Variants in DDX60 observed in about 807,000 individuals in gnomAD.
DDX60 encodes DExD/H-box helicase 60, also known as probable ATP-dependent RNA helicase DDX60.
A neutral mutation model predicts 212.8 loss-of-function variants in DDX60; 165 were observed. The ratio of observed to expected loss-of-function variants is 0.78; its 90% confidence interval spans 0.68 to 0.88. The LOEUF is 0.88. Among genes scored for constraint, DDX60 ranks in the 40% least tolerant of loss-of-function variants. DDX60 has a pLI of 0.00. For synonymous variants in DDX60, 703 were observed against 685.3 expected (o/e 1.03, Z -0.40); for missense variants, 1,905 against 2,003.9 (o/e 0.95, Z 0.94).
chr4:168,292,773 T>C (rs1042839420), intron 7 of DDX60, among the ~76,000 whole-genome samples: 4 of 152,160 alleles, frequency 2.6e-5, no homozygotes, highest in African/African-American at 4.8e-5. Flanking sequence ...ACAAAGCAAG[T>C]GTAAGATTTC....
At chr4:168,320,856 A>G (rs2149563254), upstream of DDX60, among the ~76,000 whole-genome samples, 1 of 152,324 alleles carries the variant, frequency 6.6e-6, no homozygotes, top group East Asian at 1.9e-4. Context: ...CAGCTAATAA[A>G]TTATACTAAG....
intron 12 of DDX60, 37 bp downstream of exon 12, chr4:168,284,783 A>G (rs758837953): frequency 1.9e-6 from 2 of 1,036,190 alleles, no homozygotes; most frequent in South Asian, 2.1e-5. Context: ...AGAGTAAAGT[A>G]GATTTAAATT....
At chr4:168,316,953 G>A (rs1449550349) in intron 1 of DDX60, among the ~76,000 whole-genome samples, 1 of 151,402 alleles carries the variant, frequency 6.6e-6, no homozygotes, top group East Asian at 1.9e-4. Flanking sequence ...AGCTACTTGG[G>A]AGGCTGAGGT....
intron 24 of DDX60, among the ~76,000 whole-genome samples, chr4:168,261,236 C>A (rs1040423505): frequency 6.6e-6 from 1 of 151,974 alleles, no homozygotes; most frequent in Non-Finnish European, 1.5e-5. Flanking sequence ...ATTTTTAAGA[C>A]AATACAAATC....
chr4:168,264,714 G>A (rs1579017554), intron 22 of DDX60, among the ~76,000 whole-genome samples: 1 of 152,102 alleles, frequency 6.6e-6, no homozygotes, highest in African/African-American at 2.4e-5. Context: ...TATGATTAAT[G>A]CCACAGCCAT....
Position 168,255,800 on chromosome 4 carries a change from T to G in DDX60, c.3468A>C (p.Thr1156=). 6.2e-7 allele frequency: 1 copy of G among 1,609,498 alleles called. No homozygotes were observed. Among genetic ancestry groups the G allele is most frequent in the Non-Finnish European group, 8.5e-7 (1 of 1,178,878 alleles). Residue 1156 remains threonine, a synonymous_variant, in exon 26 of 38, where the codon ACA becomes ACC. Coordinates refer to ENST00000393743, the MANE Select transcript of DDX60 (RefSeq NM_017631.6). ...VSTFLKKKQE[T]KRPPKADKEA... is the part of the protein sequence containing the mutation. ...CTTTATCAGCTTTGGGAGGCCTTTT[T>G]GTCTCCTGCTTTTTCTTTAGGAAAG... is the stretch of plus-strand genomic sequence containing the variant.
chr4:168,282,345 T>A (rs955716502), intron 13 of DDX60, among the ~76,000 whole-genome samples: 1 of 152,212 alleles, frequency 6.6e-6, no homozygotes, highest in African/African-American at 2.4e-5. Context: ...ACTGATGAAC[T>A]ATCTGTCTCT....
chr4:168,314,091 G>A lies in DDX60; in HGVS notation c.-106-2726C>T, dbSNP rs571204807. On this transcript the variant is annotated intron_variant, in intron 1 of 37. Coordinates refer to ENST00000393743, the MANE Select transcript of DDX60 (RefSeq NM_017631.6). ...GGACAGGGTATGCAAGACAATGCGT[G>A]TAAAGCCTAATAGGCTTTCCTCTTA... Among the ~76,000 whole-genome samples the A allele has an allele frequency of 7.2e-5, 11 of 152,274 alleles. No individual in the cohort carries two copies. In the East Asian group the frequency reaches 1.9e-3, roughly 27 times the overall value.
At chr4:168,217,999 G>A (rs536717883) in intron 37 of DDX60, among the ~76,000 whole-genome samples, 6 of 152,122 alleles carry the variant, frequency 3.9e-5, no homozygotes, top group Admixed American at 1.3e-4. Context: ...CTAATGTACA[G>A]GTAACAAAAA....
In DDX60 at chr4:168,302,297, T is replaced by C; in HGVS notation, c.723+3A>G. Reference sequence around the variant, plus strand: ...TACAAAGCTTTTTAAAATGTTTTGTTACCTCTTCCGTAATATTATTCCATT... The same window carrying C: ...TACAAAGCTTTTTAAAATGTTTTGTCACCTCTTCCGTAATATTATTCCATT... On this transcript the variant is annotated splice_donor_region_variant and intron_variant, in intron 6 of 37. Coordinates refer to ENST00000393743, the MANE Select transcript of DDX60 (RefSeq NM_017631.6). 1 of 1,445,026 alleles carries C rather than the reference T, an allele frequency of 6.9e-7. No homozygotes were observed. Among genetic ancestry groups the C allele is most frequent in the South Asian group, 1.3e-5 (1 of 76,758 alleles). The allele number at this position is 1,445,026 out of a possible 1,614,324, so 89.5% of individuals were successfully genotyped here. A position where few individuals can be genotyped will look rare whatever the true frequency, so the allele number is the denominator to read the frequency against.
intron 24 of DDX60, among the ~76,000 whole-genome samples, chr4:168,261,503 A>G (rs1734622232): frequency 6.6e-6 from 1 of 152,240 alleles, no homozygotes; most frequent in Admixed American, 6.5e-5. Context: ...CCAATAAATC[A>G]AATTTCAAAA....
At chr4:168,237,824 A>C (rs1375669663) in intron 30 of DDX60, 29 bp from the exon 31 acceptor site, 4 of 1,520,366 alleles carry the variant, frequency 2.6e-6, no homozygotes, top group Non-Finnish European at 3.6e-6. Context: ...TTTTAGACAC[A>C]CAATGTTAAG....
In DDX60 at chr4:168,308,193, T is replaced by C; in HGVS notation, c.77A>G (p.Tyr26Cys). 1.3e-6 allele frequency: 2 copies of C among 1,538,208 alleles called. No individual in the cohort carries two copies. The highest frequency in any genetic ancestry group is 1.8e-6 in the Non-Finnish European group (2 of 1,130,042). The change falls in exon 4 of 38, where the codon TAT becomes TGT. Residue 26 changes from tyrosine (Y) to cysteine (C), a missense_variant and splice_region_variant. Transcript: ENST00000393743. ...AACAAAATCATTGAATAAACTGGAA[T>C]ATCTAAAATGAAAAACAGTTAAAAC... ...LILNEMPKAE[Y>C]SSLFNDFVES...
At chr4:168,322,993 T>C (rs1357001374), upstream of DDX60, among the ~76,000 whole-genome samples, 5 of 152,268 alleles carry the variant, frequency 3.3e-5, 1 homozygote, top group South Asian at 4.1e-4. Flanking sequence ...GTAGGGCTGA[T>C]AGAGAAAGAG....
At chr4:168,233,550 C>G (rs1415525851) in intron 33 of DDX60, among the ~76,000 whole-genome samples, 2 of 152,002 alleles carry the variant, frequency 1.3e-5, no homozygotes, top group African/African-American at 2.4e-5. Flanking sequence ...GAAATAAGAG[C>G]ATTCACAAGC....
At chr4:168,234,125 T>C (rs78310710) in intron 33 of DDX60, among the ~76,000 whole-genome samples, 2,395 of 152,218 alleles carry the variant, frequency 0.016, 61 homozygotes, top group African/African-American at 0.053. Context: ...TGTGTCACTT[T>C]ATTTCTGTCC....
intron 22 of DDX60, among the ~76,000 whole-genome samples, chr4:168,266,705 G>T (rs1201742589): frequency 6.6e-6 from 1 of 152,184 alleles, no homozygotes; most frequent in Non-Finnish European, 1.5e-5. Context: ...GGTCATAGAT[G>T]ACCTTGGTTG....
upstream of DDX60, among the ~76,000 whole-genome samples, chr4:168,319,702 A>G (rs1737555147): frequency 1.3e-5 from 2 of 152,146 alleles, no homozygotes. Context: ...CATTAATGCT[A>G]TAAATATGCA....
intron 35 of DDX60, among the ~76,000 whole-genome samples, chr4:168,223,307 T>C (rs1470466166): frequency 6.6e-6 from 1 of 151,342 alleles, no homozygotes; most frequent in Non-Finnish European, 1.5e-5. Context: ...ATTTTATTAA[T>C]TAAAATAAAC....
Sources: gnomAD v4.1 joint callset for allele counts (sites outside exome capture counted in the v4.1 genomes callset) on GRCh38, gnomAD v4.1.1 for gene constraint, MANE v1.5 for transcripts, NCBI Gene and HGNC (gene_info 2026-07-23, HGNC 2026-07-21) for gene names.